Variants in CLOCK observed in about 807,000 individuals in gnomAD.
The protein encoded by CLOCK is clock circadian regulator, also known as circadian locomoter output cycles protein kaput.
CLOCK carries 43 observed loss-of-function variants against 118.4 expected under a neutral mutation model. That is an observed-to-expected ratio of 0.36 (90% CI 0.28 to 0.47). The LOEUF is 0.47. Ranked by LOEUF, CLOCK falls within the 20% of genes least tolerant of loss-of-function variation. The pLI is 1.00. For synonymous variants in CLOCK, 326 were observed against 339.2 expected (o/e 0.96, Z 0.43); for missense variants, 846 against 999.9 (o/e 0.85, Z 2.08).
At chr4:55,442,722 A>ACAAT (rs755710591) in intron 20 of CLOCK, 88 bp from the exon 21 acceptor site, 257 of 1,136,034 alleles carry the variant, frequency 2.3e-4, no homozygotes, top group Non-Finnish European at 3.1e-4. Context: ...TAACAATATG[A>ACAAT]CAATATGACA....
chr4:55,470,717 TG>T lies in CLOCK; in HGVS notation c.437del (p.Pro146HisfsTer35). 6.4e-7 allele frequency: 1 copy of T among 1,574,282 alleles called. No individual in the cohort carries two copies. Among genetic ancestry groups the T allele is most frequent in the Non-Finnish European group, 8.7e-7 (1 of 1,144,332 alleles). ...TAGATTGTAGGATCTTTATACTTACTGGTAAATGTTCAAGTAATGAAGTTAC... is the reference window on the plus strand; with the variant it reads ...TAGATTGTAGGATCTTTATACTTACTGTAAATGTTCAAGTAATGAAGTTAC... The part of the protein sequence containing the change: ...ESVTSLLEHL[P>X]SDLVDQSIFN... On this transcript the variant is annotated frameshift_variant and splice_region_variant, in exon 8 of 23. Coordinates refer to ENST00000513440, the MANE Select transcript of CLOCK (RefSeq NM_004898.4). LOFTEE classifies it high-confidence loss of function.
chr4:55,458,292 G>A (rs188389786), intron 11 of CLOCK, among the ~76,000 whole-genome samples: 1 of 152,166 alleles, frequency 6.6e-6, no homozygotes, highest in African/African-American at 2.4e-5. Flanking sequence ...AAACTACTGG[G>A]CTCAGGCAAT....
At chr4:55,530,295 T>A (rs1015015617) in intron 1 of CLOCK, among the ~76,000 whole-genome samples, 4 of 152,172 alleles carry the variant, frequency 2.6e-5, no homozygotes, top group Non-Finnish European at 4.4e-5. Context: ...TCAGACATCT[T>A]ACCGTCTTGA....
At chr4:55,542,973 C>T (rs936210735) in intron 1 of CLOCK, among the ~76,000 whole-genome samples, 4 of 152,106 alleles carry the variant, frequency 2.6e-5, no homozygotes, top group Non-Finnish European at 4.4e-5. Flanking sequence ...TTGTTTAAAA[C>T]AGGGTGTCAC....
chr4:55,488,131 C>G (rs758230874), intron 3 of CLOCK, among the ~76,000 whole-genome samples: 18 of 152,232 alleles, frequency 1.2e-4, no homozygotes, highest in African/African-American at 3.9e-4. Flanking sequence ...TCTATTTGAC[C>G]GTTAAGCAAT....
At position 55,478,905 on chromosome 4, in the gene CLOCK, C is replaced by A; in HGVS notation, c.166G>T (p.Glu56Ter). Residue 56 changes from glutamate (E) to a stop codon, truncating the protein, a stop_gained, in exon 6 of 23, where the codon GAA (glutamate) becomes TAA (stop). Transcript: ENST00000513440. LOFTEE classifies it high-confidence loss of function. ...RRDQFNVLIK[E>*]LGSMLPGNAR... ...TTACCAGGAAGCATGGATCCCAGTT[C>A]TTTAATGAGAACATTAAATTGATCT... 6.2e-7 allele frequency: 1 copy of A among 1,608,894 alleles called. No individual in the cohort carries two copies. The highest frequency in any genetic ancestry group is 8.5e-7 in the Non-Finnish European group (1 of 1,176,536).
rs1374823518 is a variant in CLOCK, at chr4:55,432,934, G to A, written c.*2481C>T. 6.6e-6 allele frequency: 1 copy of A among 152,644 alleles called. No homozygotes were observed. The highest frequency in any genetic ancestry group is 1.5e-5 in the Non-Finnish European group (1 of 68,048). 9.5% of individuals were successfully genotyped at this position (152,644 alleles called of 1,614,324 possible). A position where few individuals can be genotyped will look rare whatever the true frequency, so the allele number is the denominator to read the frequency against. ...CAGTTTAGACGTTTACCTGGGGCTTGTCTTATGCTTTGTTGCTGTCAACCT... is the reference window on the plus strand; with the variant it reads ...CAGTTTAGACGTTTACCTGGGGCTTATCTTATGCTTTGTTGCTGTCAACCT... On this transcript the variant is annotated 3_prime_UTR_variant, in exon 23 of 23. Transcript: ENST00000513440.
intron 6 of CLOCK, among the ~76,000 whole-genome samples, 185 bp downstream of exon 6, chr4:55,478,630 G>A (rs1726704263): frequency 6.6e-6 from 1 of 152,244 alleles, no homozygotes; most frequent in Middle Eastern, 3.4e-3. Flanking sequence ...TGAGGATTTA[G>A]CATGTAGTAG....
chr4:55,521,567 T>A (rs771871241), intron 1 of CLOCK, among the ~76,000 whole-genome samples: 16 of 152,268 alleles, frequency 1.1e-4, no homozygotes, highest in Admixed American at 2.0e-4. Context: ...AGATGTGTGC[T>A]GCTACTCTCA....
In CLOCK at chr4:55,455,903, C is replaced by G; in HGVS notation, c.976G>C (p.Glu326Gln). 6.2e-7 allele frequency: 1 copy of G among 1,609,628 alleles called. No individual in the cohort carries two copies. Among genetic ancestry groups the G allele is most frequent in the Middle Eastern group, 1.7e-4 (1 of 6,046 alleles). Reference sequence around the variant, plus strand: ...AATGTTAAAATCTACTTACAGTGCTCATGACATTTTGCCAAATTTTCTAGG... The same window carrying G: ...AATGTTAAAATCTACTTACAGTGCTGATGACATTTTGCCAAATTTTCTAGG... ...DDLENLAKCH[E>Q]HLMQYGKGKS... The change falls in exon 13 of 23, where the codon GAG becomes CAG. Residue 326 changes from glutamate to glutamine, a missense_variant. Physicochemically the swap from Glu to Gln is conservative, Grantham distance 29. Transcript: ENST00000513440.
chr4:55,469,876 T>G (rs187172843), intron 8 of CLOCK, among the ~76,000 whole-genome samples: 8 of 152,108 alleles, frequency 5.3e-5, no homozygotes, highest in African/African-American at 1.9e-4. Context: ...ACTTGGCTAA[T>G]TTTTATGTTT....
intron 4 of CLOCK, 152 bp from the exon 5 acceptor site, chr4:55,479,851 T>A: frequency 1.6e-6 from 1 of 644,630 alleles, no homozygotes; most frequent in South Asian, 1.9e-5. Flanking sequence ...CTAGTAAACA[T>A]TCAAAAATCA....
chr4:55,533,922 A>G (rs1730716740), intron 1 of CLOCK, among the ~76,000 whole-genome samples: 1 of 152,294 alleles, frequency 6.6e-6, no homozygotes. Flanking sequence ...AAACAAAAAC[A>G]AAGTGCTTGT....
intron 1 of CLOCK, among the ~76,000 whole-genome samples, chr4:55,535,227 GA>G (rs1403706735): frequency 6.6e-6 from 1 of 151,900 alleles, no homozygotes; most frequent in African/African-American, 2.4e-5. Context: ...GTGATTACAA[GA>G]ATGTTTAGGT....
chr4:55,489,690 T>C (rs1278268980), intron 2 of CLOCK, among the ~76,000 whole-genome samples: 1 of 152,072 alleles, frequency 6.6e-6, no homozygotes, highest in East Asian at 1.9e-4. Context: ...AAGATAAAAG[T>C]ATTAAAAAAC....
intron 20 of CLOCK, 80 bp downstream of exon 20, chr4:55,443,607 A>C: frequency 9.5e-7 from 1 of 1,050,736 alleles, no homozygotes; most frequent in Non-Finnish European, 1.5e-6. Context: ...TTTTATCATT[A>C]GAGCTTTATT....
intron 14 of CLOCK, 92 bp from the exon 15 acceptor site, chr4:55,453,221 A>C (rs966415327): frequency 2.0e-6 from 2 of 1,012,258 alleles, no homozygotes; most frequent in Non-Finnish European, 1.6e-6. Context: ...TACGTGTCTC[A>C]TCTGTTCATC....
chr4:55,477,228 C>G (rs1726575404), intron 6 of CLOCK, among the ~76,000 whole-genome samples: 1 of 151,692 alleles, frequency 6.6e-6, no homozygotes, highest in African/African-American at 2.4e-5. Context: ...AAAAAATTAC[C>G]TAATGCCACA....
Position 55,519,682 on chromosome 4 carries a change from G to A in CLOCK, c.-289-9617C>T, listed in dbSNP as rs545444222. Among the ~76,000 whole-genome samples the A allele has an allele frequency of 2.6e-5, 4 of 152,210 alleles. No homozygotes were observed. The South Asian group carries it at 8.3e-4, about 32-fold the overall frequency. ...AATCCCAGCTACTCAGGAAGCTGAG[G>A]CAGGAGAACCAATTGAACCCGGAAA... On this transcript the variant is annotated intron_variant, in intron 1 of 22. Transcript: ENST00000513440.
Sources: allele counts gnomAD v4.1 joint callset (sites outside exome capture counted in the v4.1 genomes callset), GRCh38; gene constraint gnomAD v4.1.1; transcripts MANE v1.5; gene names NCBI Gene and HGNC (gene_info 2026-07-23, HGNC 2026-07-21).